Variants in ARSF observed in about 807,000 individuals in gnomAD.
ARSF encodes the protein arylsulfatase F.
In ARSF, 33 loss-of-function variants were observed where a neutral mutation model predicts 35.4. The observed-to-expected ratio is 0.93, with a 90% CI of 0.71 to 1.25. ARSF has a LOEUF of 1.25. ARSF is among the 50% of genes most tolerant of loss of function. The pLI is 0.00. For synonymous variants in ARSF, 222 were observed against 193.1 expected (o/e 1.15, Z -1.24); for missense variants, 501 against 480.2 (o/e 1.04, Z -0.40).
intron 1 of ARSF, among the ~76,000 whole-genome samples, chrX:3,053,443 C>A (rs1295511547): frequency 9.2e-6 from 1 of 108,408 alleles, no homozygotes; most frequent in Non-Finnish European, 1.9e-5. Context: ...ATTCTAGTGC[C>A]TCAGCCTCCC....
rs1603464869 is a variant in ARSF, at chrX:3,093,339, A to G, written c.967+3707A>G. ...TATATTGCATGATGCCAAGATTTGA[A>G]GTACAATAGCTCCTGTCACCCAGGG... On this transcript the variant is annotated intron_variant, in intron 7 of 10. Transcript: ENST00000381127. 2.7e-5 allele frequency among the ~76,000 whole-genome samples: 3 copies of G among 111,717 alleles called. No individual in the cohort carries two copies. In the East Asian group the frequency reaches 8.4e-4, roughly 31 times the overall value.
intron 1 of ARSF, chrX:3,058,569 T>C (rs1569132575): frequency 6.3e-6 from 2 of 316,908 alleles, no homozygotes; most frequent in Non-Finnish European, 1.2e-5. Context: ...TCAGTAAATC[T>C]AGGCTGGGCA....
At chrX:3,096,464 G>C (rs1402613639) in intron 7 of ARSF, among the ~76,000 whole-genome samples, 1 of 111,305 alleles carries the variant, frequency 9.0e-6, no homozygotes, top group Non-Finnish European at 1.9e-5. Context: ...GCTCTGATTA[G>C]AGCATTAATT....
At chrX:3,076,960 C>T (rs1483999480) in intron 4 of ARSF, among the ~76,000 whole-genome samples, 2 of 111,029 alleles carry the variant, frequency 1.8e-5, no homozygotes, top group Admixed American at 9.6e-5. Flanking sequence ...GTGGGAGGAT[C>T]GCCTGAGCCC....
At position 3,064,470 on chromosome X, in the gene ARSF, A is replaced by C. The variant is rs190061086; in HGVS notation, c.-28-3603A>C. On this transcript the variant is annotated intron_variant, in intron 1 of 10. Coordinates refer to ENST00000381127, the MANE Select transcript of ARSF (RefSeq NM_001201539.2). ...GACAAATGGGATCTAATTAAACTAA[A>C]GAGCTTCTGCACAGCAAAAGAAACT... is the stretch of plus-strand genomic sequence containing the variant. Among the ~76,000 whole-genome samples, 1,048 of 112,005 alleles carry C rather than the reference A, an allele frequency of 9.4e-3. 16 individuals are homozygous for C. The highest frequency in any genetic ancestry group is 0.032 in the African/African-American group (995 of 30,849).
intron 1 of ARSF, among the ~76,000 whole-genome samples, chrX:3,048,690 G>A (rs1282703906): frequency 8.9e-6 from 1 of 112,106 alleles, no homozygotes; most frequent in Non-Finnish European, 1.9e-5. Flanking sequence ...GGCACATGTC[G>A]TCAGGACTTC....
chrX:3,074,211 G>A (rs1287413350), intron 3 of ARSF, among the ~76,000 whole-genome samples: 1 of 111,196 alleles, frequency 9.0e-6, no homozygotes, highest in Non-Finnish European at 1.9e-5. Context: ...TTAGCGTGGG[G>A]TATCGGTGTT....
chrX:3,058,878 A>G (rs2090029950), intron 1 of ARSF, among the ~76,000 whole-genome samples: 1 of 111,538 alleles, frequency 9.0e-6, no homozygotes, highest in Non-Finnish European at 1.9e-5. Context: ...AAAAGAAAAA[A>G]AGAGATTAGT....
chrX:3,103,778 G>C lies in ARSF; in HGVS notation c.1119G>C (p.Gly373=). The C allele has an allele frequency of 8.3e-7, 1 of 1,211,386 alleles. No homozygotes were observed. The highest frequency in any genetic ancestry group is 1.1e-6 in the Non-Finnish European group (1 of 895,308). ...NGIYKGGKGM[G]GWEGGIRVPG... ...GTCTTATAGGTGGAAAAGGCATGGG[G>C]GGCTGGGAAGGTGGAATCCGCGTCC... The change falls in exon 9 of 11, where the codon GGG becomes GGC. Residue 373 remains glycine (G), a synonymous_variant. Coordinates refer to ENST00000381127, the MANE Select transcript of ARSF (RefSeq NM_001201539.2).
chrX:3,084,210 G>A, intron 5 of ARSF, 33 bp from the exon 6 acceptor site: 2 of 1,195,773 alleles, frequency 1.7e-6, no homozygotes, highest in Non-Finnish European at 2.3e-6. Flanking sequence ...TTGACATATT[G>A]ATGCGTAGAT....
chrX:3,110,635 G>A (rs991959032), intron 10 of ARSF, among the ~76,000 whole-genome samples: 7 of 112,201 alleles, frequency 6.2e-5, no homozygotes, highest in Admixed American at 1.9e-4. Flanking sequence ...GGTGGATCAC[G>A]CCTGTAATCC....
intron 3 of ARSF, among the ~76,000 whole-genome samples, chrX:3,074,163 A>G (rs2030688471): frequency 9.0e-6 from 1 of 111,208 alleles, no homozygotes; most frequent in African/African-American, 3.3e-5. Flanking sequence ...GCGCAGAAAC[A>G]TGGTGTCCAT....
At chrX:3,093,029 G>C (rs747837106) in intron 7 of ARSF, among the ~76,000 whole-genome samples, 2 of 110,851 alleles carry the variant, frequency 1.8e-5, no homozygotes, top group Admixed American at 1.9e-4. Context: ...ACACATCCGT[G>C]GTGGCGGGCG....
At chrX:3,049,833 T>A (rs2089989752) in intron 1 of ARSF, among the ~76,000 whole-genome samples, 1 of 110,867 alleles carries the variant, frequency 9.0e-6, no homozygotes, top group African/African-American at 3.3e-5. Context: ...AGGGTGGAAA[T>A]CTTTAGATAA....
chrX:3,052,161 A>G (rs764556257), intron 1 of ARSF, among the ~76,000 whole-genome samples: 1 of 112,065 alleles, frequency 8.9e-6, no homozygotes, highest in East Asian at 2.8e-4. Context: ...TTCCTTGTCA[A>G]CTGCACTTGT....
At position 3,080,899 on chromosome X, in the gene ARSF, T is replaced by G; in HGVS notation, c.292T>G (p.Ser98Ala). ...TTCCACACTACATCTAGGTATGGTT[T>G]CTAGTGGTAATAGACGTGTCATCCA... The part of the protein sequence containing the change: ...GRYPIRSGMV[S>A]SGNRRVIQNL... Residue 98 changes from serine to alanine, a missense_variant, in exon 5 of 11, where the codon TCT (serine) becomes GCT (alanine). Coordinates refer to ENST00000381127, the MANE Select transcript of ARSF (RefSeq NM_001201539.2). The G allele has an allele frequency of 1.7e-6, 2 of 1,211,329 alleles. No homozygotes were observed. Among genetic ancestry groups the G allele is most frequent in the Non-Finnish European group, 2.2e-6 (2 of 895,298 alleles).
rs184513068 is a variant in ARSF at position 3,076,394 on chromosome X, G to A, written c.162-154G>A. 3.8e-3 allele frequency among the ~76,000 whole-genome samples: 408 copies of A among 106,632 alleles called. 2 individuals are homozygous for A. The Middle Eastern group carries it at 0.062, about 16-fold the overall frequency. The allele number at this position is 106,632 out of a possible 115,157, so 92.6% of individuals were successfully genotyped here. On this transcript the variant is annotated intron_variant, in intron 3 of 10. Transcript: ENST00000381127. ...TGTCTCTCTCTCTGCCTCGCTTTCT[G>A]GGTCTCTCCCTCTCTCCCTGTCTGT...
At chrX:3,083,526 CT>C (rs1335041943) in intron 5 of ARSF, among the ~76,000 whole-genome samples, 19 of 26,609 alleles carry the variant, frequency 7.1e-4, no homozygotes, top group African/African-American at 2.8e-3. Context: ...ATCTATCTAT[CT>C]ATCCATCCAT....
chrX:3,076,434 T>G, intron 3 of ARSF, 114 bp from the exon 4 acceptor site: 1 of 885,178 alleles, frequency 1.1e-6, no homozygotes, highest in Non-Finnish European at 1.6e-6. Flanking sequence ...CCTCTCTCTT[T>G]CCACCTGTGC....
Sources: gnomAD v4.1 joint callset for allele counts (sites outside exome capture counted in the v4.1 genomes callset) on GRCh38, gnomAD v4.1.1 for gene constraint, MANE v1.5 for transcripts, NCBI Gene and HGNC (gene_info 2026-07-23, HGNC 2026-07-21) for gene names.